The following GRK3 variants were observed in gnomAD, a reference collection of about 807,000 sequenced individuals.
GRK3 encodes the protein adrenergic, beta, receptor kinase 2.
In GRK3, 54 loss-of-function variants were observed where a neutral mutation model predicts 95.7. The observed-to-expected ratio is 0.56, with a 90% CI of 0.45 to 0.71. The LOEUF is 0.71. Among genes scored for constraint, GRK3 ranks in the 30% least tolerant of loss-of-function variants. The probability of loss-of-function intolerance (pLI) is 0.00; values close to 1 mark genes in which losing one functional copy is unlikely to be tolerated. For missense variants in GRK3, 649 were observed against 851.2 expected, an observed-to-expected ratio of 0.76 and a Z score of 2.96; for synonymous variants, 281 against 290.8, an observed-to-expected ratio of 0.97 and a Z score of 0.34.
chr22:25,612,211 G>A (rs1007669189), intron 2 of GRK3, among the ~76,000 whole-genome samples: 2 of 152,000 alleles, frequency 1.3e-5, no homozygotes, highest in African/African-American at 4.8e-5. Flanking sequence ...TAGTTTTATT[G>A]TTTTAGCTCT....
intron 9 of GRK3, 104 bp downstream of exon 9, chr22:25,679,019 C>CT: frequency 1.4e-6 from 1 of 739,708 alleles, no homozygotes; most frequent in Non-Finnish European, 2.2e-6. Context: ...CCAGTGAGTT[C>CT]TTGGGTGGGT....
chr22:25,722,181 G>A (rs961214137), intron 20 of GRK3, 108 bp from the exon 21 acceptor site: 5 of 1,264,812 alleles, frequency 4.0e-6, no homozygotes, highest in Non-Finnish European at 5.6e-6. Flanking sequence ...CACGTAGGGT[G>A]TGCTTCCTTC....
At chr22:25,703,964 T>C in intron 14 of GRK3, 145 bp from the exon 15 acceptor site, 2 of 600,710 alleles carry the variant, frequency 3.3e-6, no homozygotes, top group Non-Finnish European at 2.9e-6. Context: ...TATCTTTTCA[T>C]GTTTCTATAG....
intron 1 of GRK3, among the ~76,000 whole-genome samples, chr22:25,596,135 A>G (rs1482828334): frequency 6.6e-6 from 1 of 152,214 alleles, no homozygotes; most frequent in Admixed American, 6.5e-5. Flanking sequence ...TCAGAATGGA[A>G]TAGGTAGTAC....
At chr22:25,658,795 A>G (rs1271059378) in intron 3 of GRK3, among the ~76,000 whole-genome samples, 1 of 152,060 alleles carries the variant, frequency 6.6e-6, no homozygotes, top group Non-Finnish European at 1.5e-5. Context: ...TGGAATCACT[A>G]TGATTATTCA....
Position 25,645,456 on chromosome 22 carries a change from G to A in GRK3, c.264+791G>A, listed in dbSNP as rs572830053. Among the ~76,000 whole-genome samples, 5 of 152,298 alleles carry A rather than the reference G, an allele frequency of 3.3e-5. No homozygotes were observed. In the South Asian group the frequency reaches 8.3e-4, roughly 25 times the overall value. The stretch of plus-strand genomic sequence containing the variant: ...GCTAGAGTTTAAAAATAACACTAGA[G>A]GAGCCCCACATATGTGATTAGTCAC... On this transcript the variant is annotated intron_variant, in intron 3 of 20. Coordinates refer to ENST00000324198, the MANE Select transcript of GRK3 (RefSeq NM_005160.4).
At position 25,722,748 on chromosome 22, in the gene GRK3, A is replaced by C; in HGVS notation, c.*298A>C. 7.7e-6 allele frequency: 2 copies of C among 258,272 alleles called. No individual in the cohort carries two copies. The highest frequency in any genetic ancestry group is 1.5e-5 in the Non-Finnish European group (2 of 134,542). 16.0% of individuals were successfully genotyped at this position (258,272 alleles called of 1,614,324 possible). A position where few individuals can be genotyped will look rare whatever the true frequency, so the allele number is the denominator to read the frequency against. ...AATTTTTATGTCTGATATCAAACAC[A>C]TCTTAGACTCCCCAGAATGGAATTT... On this transcript the variant is annotated 3_prime_UTR_variant, in exon 21 of 21. Transcript: ENST00000324198.
intron 1 of GRK3, among the ~76,000 whole-genome samples, chr22:25,587,037 A>G (rs1174106040): frequency 6.6e-6 from 1 of 151,962 alleles, no homozygotes; most frequent in Non-Finnish European, 1.5e-5. Context: ...GGTGCCTGCC[A>G]CCACGCCCAG....
At chr22:25,673,977 A>G (rs1174899953) in intron 7 of GRK3, among the ~76,000 whole-genome samples, 1 of 152,052 alleles carries the variant, frequency 6.6e-6, no homozygotes, top group Non-Finnish European at 1.5e-5. Flanking sequence ...ATGGCCTTGT[A>G]TCATGAACAC....
chr22:25,695,689 T>A (rs2085202009), intron 13 of GRK3, among the ~76,000 whole-genome samples: 1 of 151,762 alleles, frequency 6.6e-6, no homozygotes, highest in Admixed American at 6.6e-5. Flanking sequence ...GTTCTCTCTC[T>A]GTTGCCTGGC....
chr22:25,695,575 A>G (rs1379589120), intron 13 of GRK3, among the ~76,000 whole-genome samples: 1 of 152,182 alleles, frequency 6.6e-6, no homozygotes, highest in Non-Finnish European at 1.5e-5. Flanking sequence ...CCTAGAAATT[A>G]ATTATTCATC....
chr22:25,626,237 TTC>T (rs2146363477), intron 2 of GRK3, among the ~76,000 whole-genome samples: 1 of 152,290 alleles, frequency 6.6e-6, no homozygotes, highest in African/African-American at 2.4e-5. Context: ...CCGATGATGA[TTC>T]TCTTAGTGTG....
At chr22:25,690,305 G>A (rs376214762) in intron 12 of GRK3, 22 bp downstream of exon 12, 4 of 1,559,072 alleles carry the variant, frequency 2.6e-6, no homozygotes, top group Non-Finnish European at 3.5e-6. Context: ...GTCAACTTCA[G>A]TTCACCACCA....
In GRK3 at chr22:25,722,360, T is replaced by A; in HGVS notation, c.1977T>A (p.Arg659=). 6.2e-7 allele frequency: 1 copy of A among 1,614,196 alleles called. No homozygotes were observed. Among genetic ancestry groups the A allele is most frequent in the Non-Finnish European group, 8.5e-7 (1 of 1,180,028 alleles). Residue 659 remains arginine, a synonymous_variant, in exon 21 of 21, where the codon CGT becomes CGA. Transcript: ENST00000324198. ...TCAAGGAGGCCCAGCGGCTATTGCG[T>A]CGTGCCCCGAAGTTCCTCAACAAAC... is the stretch of plus-strand genomic sequence containing the variant. The part of the protein sequence containing the change: ...ETFKEAQRLL[R]RAPKFLNKPR...
At chr22:25,720,493 T>C (rs1324286917) in intron 19 of GRK3, among the ~76,000 whole-genome samples, 1 of 143,428 alleles carries the variant, frequency 7.0e-6, no homozygotes, top group Admixed American at 6.9e-5. Flanking sequence ...TTTTTTTTTT[T>C]TGAGACAGAG....
At chr22:25,647,210 G>A in intron 3 of GRK3, 1 of 76,668 alleles carries the variant, frequency 1.3e-5, no homozygotes, top group South Asian at 2.0e-4. Context: ...CCACCACCCG[G>A]AGCTGCAGCA....
chr22:25,644,149 TTGTTTG>T (rs2084763497), intron 2 of GRK3, among the ~76,000 whole-genome samples: 1 of 151,236 alleles, frequency 6.6e-6, no homozygotes, highest in Non-Finnish European at 1.5e-5. Context: ...TTTTTTTTGT[TTGTTTG>T]TTTTTTTTTT....
rs2085495651 is a variant in GRK3, at chr22:25,728,987, G to T, written c.*6537G>T. The T allele has an allele frequency of 6.6e-6, 1 of 152,150 alleles. No individual in the cohort carries two copies. The highest frequency in any genetic ancestry group is 2.4e-5 in the African/African-American group (1 of 41,440). 9.4% of individuals were successfully genotyped at this position (152,150 alleles called of 1,614,324 possible). ...TTTCTATTGTGCATTGCTATACGAAGTGAAGCCAGTAAACTAGATACTGTA... is the reference window on the plus strand; with the variant it reads ...TTTCTATTGTGCATTGCTATACGAATTGAAGCCAGTAAACTAGATACTGTA... On this transcript the variant is annotated 3_prime_UTR_variant, in exon 21 of 21. Transcript: ENST00000324198.
intron 1 of GRK3, among the ~76,000 whole-genome samples, chr22:25,594,682 T>A (rs2084359538): frequency 6.6e-6 from 1 of 151,928 alleles, no homozygotes; most frequent in Non-Finnish European, 1.5e-5. Context: ...ATCGAGACCA[T>A]CCTGGCTAAC....
Sources: allele counts gnomAD v4.1 joint callset (sites outside exome capture counted in the v4.1 genomes callset), GRCh38; gene constraint gnomAD v4.1.1; transcripts MANE v1.5; gene names NCBI Gene and HGNC (gene_info 2026-07-23, HGNC 2026-07-21).